ADAMTSL2: variants seen among roughly 807,000 people sequenced by gnomAD.
ADAMTSL2 encodes ADAMTS-like protein 2.
Under a neutral mutation model 117.0 loss-of-function variants are expected in ADAMTSL2, and 55 were observed. The ratio of observed to expected loss-of-function variants is 0.47; its 90% CI spans 0.38 to 0.59. The LOEUF is 0.59. Among genes scored for constraint, ADAMTSL2 ranks in the 20% least tolerant of loss-of-function variants. ADAMTSL2 has a pLI of 0.00. For missense variants in ADAMTSL2, 1,182 were observed against 1,354.5 expected, an observed-to-expected ratio of 0.87 and a Z score of 2.00; for synonymous variants, 572 against 566.4, an observed-to-expected ratio of 1.01 and a Z score of -0.14.
At chr9:133,555,433 C>G (rs1830583018) in intron 10 of ADAMTSL2, 125 bp from the exon 11 acceptor site, 2 of 1,270,920 alleles carry the variant, frequency 1.6e-6, no homozygotes, top group Non-Finnish European at 2.2e-6. Context: ...CAGAAGCCCT[C>G]CTTCTGGGAG....
intron 12 of ADAMTSL2, 59 bp from the exon 13 acceptor site, chr9:133,566,877 G>A: frequency 1.3e-6 from 2 of 1,572,070 alleles, no homozygotes; most frequent in Non-Finnish European, 1.7e-6. Context: ...CCTGAGGCCT[G>A]TCTGCTGGGC....
At chr9:133,536,468 C>G in intron 1 of ADAMTSL2, 95 bp from the exon 2 acceptor site, 8 of 1,464,046 alleles carry the variant, frequency 5.5e-6, no homozygotes, top group Non-Finnish European at 7.3e-6. Flanking sequence ...CACACCGCCG[C>G]TGGGTGTCTT....
chr9:133,533,736 C>T (rs756770), upstream of ADAMTSL2, among the ~76,000 whole-genome samples: 2 of 152,148 alleles, frequency 1.3e-5, no homozygotes, highest in African/African-American at 4.8e-5. Context: ...AGTGTCTTCC[C>T]GGCACTGCTG....
chr9:133,564,317 A>G (rs1423944200), intron 12 of ADAMTSL2, among the ~76,000 whole-genome samples: 1 of 52,284 alleles, frequency 1.9e-5, no homozygotes, highest in Non-Finnish European at 3.8e-5. Context: ...AGAGAGAAAG[A>G]GAGAGGGAGA....
intron 12 of ADAMTSL2, among the ~76,000 whole-genome samples, chr9:133,564,633 A>AGAGAGAGAGGGAGAGAGAGAGAGAGAGG: frequency 1.9e-5 from 1 of 53,516 alleles, no homozygotes; most frequent in Non-Finnish European, 4.3e-5. Flanking sequence ...AGGGAGAGAG[A>AGAGAGAGAGGGAGAGAGAGAGAGAGAGG]GAGAGAGGGA....
rs1831196645 is a variant in ADAMTSL2 at position 133,575,017 on chromosome 9, G to A, written c.*153G>A. ...CGGCTGTCGAGAGGGGACTTCCCACGGCCCGTGGACCTTTGTGCTCCTGGG... is the reference window on the plus strand; with the variant it reads ...CGGCTGTCGAGAGGGGACTTCCCACAGCCCGTGGACCTTTGTGCTCCTGGG... On this transcript the variant is annotated 3_prime_UTR_variant, in exon 19 of 19. Coordinates refer to ENST00000651351, the MANE Select transcript of ADAMTSL2 (RefSeq NM_014694.4). 4 of 654,356 alleles carry A rather than the reference G, an allele frequency of 6.1e-6. No homozygotes were observed. Among genetic ancestry groups the A allele is most frequent in the Admixed American group, 4.8e-5 (2 of 41,532 alleles). 40.5% of individuals were successfully genotyped at this position (654,356 alleles called of 1,614,324 possible).
Position 133,547,119 on chromosome 9 carries a change from C to T in ADAMTSL2, c.845C>T (p.Thr282Met), listed in dbSNP as rs1830368432. 6.2e-7 allele frequency: 1 copy of T among 1,613,860 alleles called. No individual in the cohort carries two copies. The highest frequency in any genetic ancestry group is 8.5e-7 in the Non-Finnish European group (1 of 1,179,772). ...DSPKNFNIAG[T>M]VVKYRRPMDV... ...CCCAAGAACTTCAACATCGCAGGCACGGTGGTCAAGTACAGGCGGCCCATG... is the reference window on the plus strand; with the variant it reads ...CCCAAGAACTTCAACATCGCAGGCATGGTGGTCAAGTACAGGCGGCCCATG... The change falls in exon 9 of 19, where the codon ACG (threonine) becomes ATG (methionine). Residue 282 changes from threonine to methionine, a missense_variant. Physicochemically the swap from Thr to Met is moderately conservative, Grantham distance 81 (BLOSUM62 -1). Around this residue, in one of 3 missense-constraint regions of ADAMTSL2, gnomAD observed 372 missense variants for 463.4 expected, o/e 0.80. Transcript: ENST00000651351.
intron 9 of ADAMTSL2, among the ~76,000 whole-genome samples, chr9:133,551,762 T>A (rs1006841817): frequency 1.3e-5 from 2 of 150,494 alleles, no homozygotes; most frequent in African/African-American, 2.4e-5. Flanking sequence ...CCTCACAGCC[T>A]GGACCTGCTG....
At chr9:133,539,371 A>G (rs1830137823) in intron 4 of ADAMTSL2, among the ~76,000 whole-genome samples, 1 of 152,172 alleles carries the variant, frequency 6.6e-6, no homozygotes, top group Non-Finnish European at 1.5e-5. Context: ...GTGCATGGCC[A>G]CGGACCGTGT....
In ADAMTSL2 at chr9:133,554,440, C is replaced by T. The variant is rs1329880376; in HGVS notation, c.1023C>T (p.Pro341=). ...LQPPHESRPQ[P]IYYGFSESAE... is the part of the protein sequence containing the mutation. ...CGCCACACGAGAGCCGCCCCCAGCC[C>T]ATCTACTATGGCTTCTCCGAGAGCG... The change falls in exon 10 of 19, where the codon CCC becomes CCT. Residue 341 remains proline (P), a synonymous_variant. Transcript: ENST00000651351. The surrounding 1 kb of genome is among the most constrained non-coding windows in gnomAD (Gnocchi z 5.2). The T allele has an allele frequency of 2.6e-6, 4 of 1,563,216 alleles. No individual in the cohort carries two copies. Among genetic ancestry groups the T allele is most frequent in the Admixed American group, 1.9e-5 (1 of 52,832 alleles).
At chr9:133,565,672 G>A (rs1356597363) in intron 12 of ADAMTSL2, among the ~76,000 whole-genome samples, 6 of 152,244 alleles carry the variant, frequency 3.9e-5, no homozygotes, top group African/African-American at 1.4e-4. Flanking sequence ...TCCATCCAGC[G>A]CTGGGGCTTG....
intron 17 of ADAMTSL2, among the ~76,000 whole-genome samples, chr9:133,572,004 A>G (rs1831116314): frequency 6.6e-6 from 1 of 152,036 alleles, no homozygotes; most frequent in African/African-American, 2.4e-5. Flanking sequence ...GGGTGGATGC[A>G]AGATCCTAAA....
chr9:133,563,039 C>T lies in ADAMTSL2; in HGVS notation c.1747+1744C>T, dbSNP rs973285411. ...GGCACCGGCTTGGCCAGGCTTGCAC[C>T]GCCTGGTTGACCACACCATGGGCCC... On this transcript the variant is annotated intron_variant, in intron 12 of 18. Coordinates refer to ENST00000651351, the MANE Select transcript of ADAMTSL2 (RefSeq NM_014694.4). Among the ~76,000 whole-genome samples the T allele has an allele frequency of 8.5e-5, 13 of 152,356 alleles. No homozygotes were observed. In the South Asian group the frequency reaches 2.1e-3, roughly 24 times the overall value.
At chr9:133,534,673 C>T (rs1300514747), upstream of ADAMTSL2, 2 of 1,351,240 alleles carry the variant, frequency 1.5e-6, no homozygotes, top group Admixed American at 3.9e-5. Context: ...TGCCTGACAG[C>T]TATAAAGGCG....
chr9:133,569,381 G>A lies in ADAMTSL2; in HGVS notation c.2245-27G>A, dbSNP rs1588310206. 2.5e-6 allele frequency: 4 copies of A among 1,610,802 alleles called. No individual in the cohort carries two copies. In the East Asian group the frequency reaches 8.9e-5, roughly 36 times the overall value. ...CTGGTGTGGCTGCCTCTCACTGGATGTCCCCTGCCTGTCCTCTCCCCTGCA... is the reference window on the plus strand; with the variant it reads ...CTGGTGTGGCTGCCTCTCACTGGATATCCCCTGCCTGTCCTCTCCCCTGCA... On this transcript the variant is annotated intron_variant, in intron 15 of 18. Coordinates refer to ENST00000651351, the MANE Select transcript of ADAMTSL2 (RefSeq NM_014694.4).
intron 7 of ADAMTSL2, among the ~76,000 whole-genome samples, 158 bp from the exon 8 acceptor site, chr9:133,544,312 A>G (rs1830296967): frequency 6.6e-6 from 1 of 152,066 alleles, no homozygotes; most frequent in African/African-American, 2.4e-5. Flanking sequence ...AGCCTCTGCA[A>G]TGGGACGGGG....
intron 12 of ADAMTSL2, among the ~76,000 whole-genome samples, chr9:133,562,601 GGCGGC>G (rs1830760494): frequency 1.7e-5 from 2 of 116,890 alleles, no homozygotes; most frequent in South Asian, 5.0e-4. Flanking sequence ...CACCGCCGTG[GGCGGC>G]GTGGCGGGCA....
intron 17 of ADAMTSL2, among the ~76,000 whole-genome samples, chr9:133,573,595 G>A (rs1454014321): frequency 6.6e-6 from 1 of 152,214 alleles, no homozygotes; most frequent in African/African-American, 2.4e-5. Flanking sequence ...GACTGAGGCA[G>A]CCCTGGGTGG....
chr9:133,571,331 C>G (rs1831101514), intron 17 of ADAMTSL2, among the ~76,000 whole-genome samples: 5 of 152,160 alleles, frequency 3.3e-5, no homozygotes, highest in Non-Finnish European at 2.9e-5. Context: ...TAGAGTGAAA[C>G]CCAGGTGGGG....
Sources: allele counts gnomAD v4.1 joint callset (sites outside exome capture counted in the v4.1 genomes callset), GRCh38; gene constraint gnomAD v4.1.1; regional missense constraint gnomAD v4.1.1; non-coding constraint Gnocchi (gnomAD v3.1); transcripts MANE v1.5; gene names NCBI Gene and HGNC (gene_info 2026-07-23, HGNC 2026-07-21).